ARLN: variants seen among roughly 807,000 people sequenced by gnomAD.
ARLN encodes sarcoplasmic/endoplasmic reticulum calcium ATPase regulator ARLN.
chr4:119,299,436 C>A, the ARLN span, among the ~76,000 whole-genome samples: 1 of 152,192 alleles, frequency 6.6e-6, no homozygotes, highest in African/African-American at 2.4e-5. Flanking sequence ...AGTGAGTGAA[C>A]AATCAACTCC....
chr4:119,300,133 T>G, the ARLN span, among the ~76,000 whole-genome samples: 1 of 151,852 alleles, frequency 6.6e-6, no homozygotes, highest in African/African-American at 2.4e-5. Context: ...TTCTCCACAC[T>G]TCTTTGGAGA....
chr4:119,302,894 G>A, the ARLN span, among the ~76,000 whole-genome samples: 1 of 152,172 alleles, frequency 6.6e-6, no homozygotes, highest in Non-Finnish European at 1.5e-5. Context: ...AGATGATGAT[G>A]AATTTTGCTT....
chr4:119,300,799 C>T, the ARLN span: 1 of 1,443,732 alleles, frequency 6.9e-7, no homozygotes, highest in Admixed American at 2.8e-5. Context: ...TGCCTCGCGG[C>T]GTCCCAGGCA....
chr4:119,300,496 G>C, the ARLN span: 1 of 1,614,114 alleles, frequency 6.2e-7, no homozygotes, highest in Non-Finnish European at 8.5e-7. Flanking sequence ...CGCTCCCGGA[G>C]ACCATCTCGA....
the ARLN span, chr4:119,300,469 C>T: frequency 6.2e-7 from 1 of 1,614,168 alleles, no homozygotes; most frequent in Admixed American, 1.7e-5. Flanking sequence ...TGCCTCCCTC[C>T]CTCGCTAAAG....
chr4:119,298,542 A>G, the ARLN span: 2 of 432,484 alleles, frequency 4.6e-6, no homozygotes, highest in East Asian at 3.5e-5. Flanking sequence ...GATGTTTGAA[A>G]GTTTTTAAAC....
the ARLN span, among the ~76,000 whole-genome samples, chr4:119,299,140 A>G: frequency 4.6e-5 from 7 of 152,198 alleles, no homozygotes; most frequent in Admixed American, 1.3e-4. Context: ...AGACTGGAGT[A>G]TAGTGGCACG....
the ARLN span, among the ~76,000 whole-genome samples, chr4:119,303,256 C>T: frequency 1.7e-4 from 21 of 124,310 alleles, no homozygotes; most frequent in Admixed American, 3.9e-4. Context: ...TTTTTGGAGA[C>T]GGAGTCTTGC....
At chr4:119,298,702 C>T in the ARLN span, 1 of 748,498 alleles carries the variant, frequency 1.3e-6, no homozygotes, top group African/African-American at 1.7e-5. Flanking sequence ...GTCCTGTCTT[C>T]TTTATTCAAG....
At chr4:119,297,858 C>G in the ARLN span, 1 of 152,542 alleles carries the variant, frequency 6.6e-6, no homozygotes, top group African/African-American at 2.4e-5. Flanking sequence ...AATATAAATT[C>G]TTGTTTTATA....
the ARLN span, chr4:119,300,966 G>T: frequency 3.1e-6 from 2 of 642,278 alleles, no homozygotes; most frequent in East Asian, 2.8e-5. Flanking sequence ...TGTTAGGAAG[G>T]CCCCCTCTGG....
At chr4:119,303,591 G>A in the ARLN span, among the ~76,000 whole-genome samples, 1 of 152,142 alleles carries the variant, frequency 6.6e-6, no homozygotes, top group Non-Finnish European at 1.5e-5. Flanking sequence ...TTGTTTAAGA[G>A]TTGTACTATC....
chr4:119,304,297 C>T, the ARLN span: 4 of 1,537,124 alleles, frequency 2.6e-6, no homozygotes, highest in Non-Finnish European at 3.5e-6. Context: ...GTCATGTTTT[C>T]TTCTTGGGGA....
chr4:119,302,971 A>G, the ARLN span, among the ~76,000 whole-genome samples: 1 of 152,214 alleles, frequency 6.6e-6, no homozygotes, highest in African/African-American at 2.4e-5. Flanking sequence ...GTGATAAAGC[A>G]TCCTCATGAT....
At chr4:119,301,241 TAAAAAAA>T in the ARLN span, among the ~76,000 whole-genome samples, 2 of 100,422 alleles carry the variant, frequency 2.0e-5, no homozygotes, top group South Asian at 3.5e-4. Context: ...CCGTCTCTAC[TAAAAAAA>T]AAAAAAAAAA....
the ARLN span, chr4:119,300,966 G>GC: frequency 1.6e-5 from 10 of 642,278 alleles, no homozygotes; most frequent in South Asian, 2.4e-4. Flanking sequence ...TGTTAGGAAG[G>GC]CCCCCTCTGG....
At chr4:119,304,275 T>C in the ARLN span, 1 of 1,536,738 alleles carries the variant, frequency 6.5e-7, no homozygotes, top group African/African-American at 1.4e-5. Flanking sequence ...TTAACTTGTC[T>C]CCACCTTCTA....
the ARLN span, among the ~76,000 whole-genome samples, chr4:119,299,805 A>C: frequency 6.6e-6 from 1 of 152,176 alleles, no homozygotes; most frequent in Non-Finnish European, 1.5e-5. Context: ...AAGGCAAGTA[A>C]ATTTGGGTAA....
At chr4:119,302,326 G>A in the ARLN span, among the ~76,000 whole-genome samples, 1 of 152,166 alleles carries the variant, frequency 6.6e-6, no homozygotes, top group African/African-American at 2.4e-5. Context: ...AGCAACTAGT[G>A]CAAATAAGGA....
Sources: allele counts gnomAD v4.1 joint callset (sites outside exome capture counted in the v4.1 genomes callset), GRCh38; gene constraint gnomAD v4.1.1; transcripts MANE v1.5; gene names NCBI Gene and HGNC (gene_info 2026-07-23, HGNC 2026-07-21).